Variants in DDX31 observed in about 807,000 individuals in gnomAD.
The protein encoded by DDX31 is ATP-dependent DNA helicase DDX31.
DDX31 carries 70 observed loss-of-function variants against 91.3 expected under a neutral mutation model. The ratio of observed to expected loss-of-function variants is 0.77; its 90% CI spans 0.63 to 0.94. The LOEUF (loss-of-function observed/expected upper bound fraction) is 0.94. DDX31 is among the 40% of genes least tolerant of loss of function. The pLI is 0.00. For synonymous variants in DDX31, 362 were observed against 350.6 expected (o/e 1.03, Z -0.36); for missense variants, 902 against 925.0 (o/e 0.98, Z 0.32).
intron 6 of DDX31, among the ~76,000 whole-genome samples, chr9:132,653,947 G>A (rs919828267): frequency 2.9e-4 from 44 of 151,990 alleles, no homozygotes; most frequent in African/African-American, 1.0e-3. Context: ...CATGAATAGA[G>A]ATTATAATAG....
Position 132,661,093 on chromosome 9 carries a change from C to T in DDX31, c.452+115G>A, listed in dbSNP as rs975300268. On this transcript the variant is annotated intron_variant, in intron 4 of 19. Coordinates refer to ENST00000372159, the MANE Select transcript of DDX31 (RefSeq NM_022779.9). The stretch of plus-strand genomic sequence containing the variant: ...GACGACAACCCTTTATGGTCGATAA[C>T]CTGGCACTGTGTTCCAACGCCAAGA... 7.0e-6 allele frequency: 6 copies of T among 859,160 alleles called. No individual in the cohort carries two copies. In the African/African-American group the frequency reaches 8.5e-5, roughly 12 times the overall value. 53.2% of individuals were successfully genotyped at this position (859,160 alleles called of 1,614,324 possible).
chr9:132,615,230 T>C (rs1831561091), intron 18 of DDX31, among the ~76,000 whole-genome samples: 1 of 152,210 alleles, frequency 6.6e-6, no homozygotes, highest in South Asian at 2.1e-4. Context: ...ATCGTCCTTT[T>C]TCATTCCTGG....
chr9:132,602,535 T>C (rs2119210683), intron 19 of DDX31, among the ~76,000 whole-genome samples: 1 of 152,326 alleles, frequency 6.6e-6, no homozygotes, highest in East Asian at 1.9e-4. Context: ...TCAGGAATGT[T>C]GGCTTCAAAA....
chr9:132,654,596 G>C (rs1834431150), intron 6 of DDX31, among the ~76,000 whole-genome samples: 1 of 152,164 alleles, frequency 6.6e-6, no homozygotes, highest in Admixed American at 6.5e-5. Context: ...CTGGGCGACA[G>C]AGCGAGACTT....
At position 132,594,310 on chromosome 9, in the gene DDX31, T is replaced by C. The variant is rs1392858344; in HGVS notation, c.*556A>G. 6 of 152,644 alleles carry C rather than the reference T, an allele frequency of 3.9e-5. No individual in the cohort carries two copies. Among genetic ancestry groups the C allele is most frequent in the Non-Finnish European group, 7.3e-5 (5 of 68,336 alleles). 9.5% of individuals were successfully genotyped at this position (152,644 alleles called of 1,614,324 possible). A position where few individuals can be genotyped will look rare whatever the true frequency, so the allele number is the denominator to read the frequency against. Reference sequence around the variant, plus strand: ...GAGCCTGAGAACACATTCGTATTTTTTGACCCAGACCAAAAACTTTTGGTC... The same window carrying C: ...GAGCCTGAGAACACATTCGTATTTTCTGACCCAGACCAAAAACTTTTGGTC... On this transcript the variant is annotated 3_prime_UTR_variant, in exon 20 of 20. Coordinates refer to ENST00000372159, the MANE Select transcript of DDX31 (RefSeq NM_022779.9).
intron 13 of DDX31, 55 bp from the exon 14 acceptor site, chr9:132,642,118 G>A: frequency 6.5e-7 from 1 of 1,526,730 alleles, no homozygotes; most frequent in Admixed American, 1.7e-5. Context: ...CTCCAGCAAG[G>A]TAGGCTTACA....
Position 132,625,755 on chromosome 9 carries a change from G to A in DDX31, c.1632-10C>T, listed in dbSNP as rs1237426595. The A allele has an allele frequency of 2.5e-6, 4 of 1,611,228 alleles. No homozygotes were observed. In the South Asian group the frequency reaches 3.3e-5, roughly 13 times the overall value. The stretch of plus-strand genomic sequence containing the variant: ...CTTAATCTCAGAAACGCTGTAAAAG[G>A]AAGGGCACAGCAAGGTAACTTTTTG... On this transcript the variant is annotated splice_polypyrimidine_tract_variant and intron_variant, in intron 16 of 19. Coordinates refer to ENST00000372159, the MANE Select transcript of DDX31 (RefSeq NM_022779.9).
intron 17 of DDX31, among the ~76,000 whole-genome samples, chr9:132,624,694 G>A (rs1012921290): frequency 3.9e-5 from 6 of 152,146 alleles, no homozygotes; most frequent in East Asian, 1.9e-4. Flanking sequence ...AAATGGGACC[G>A]TGCACATAAA....
At chr9:132,605,666 G>T (rs538002702) in intron 19 of DDX31, among the ~76,000 whole-genome samples, 1 of 152,206 alleles carries the variant, frequency 6.6e-6, no homozygotes, top group Non-Finnish European at 1.5e-5. Flanking sequence ...GAGACGTGAG[G>T]GTGTCTGCCT....
intron 12 of DDX31, among the ~76,000 whole-genome samples, chr9:132,646,556 G>C (rs958970240): frequency 6.6e-6 from 1 of 152,130 alleles, no homozygotes; most frequent in African/African-American, 2.4e-5. Context: ...AGCTGTTCCC[G>C]CCACCTGTGA....
chr9:132,663,602 G>C, intron 1 of DDX31: 1 of 840,594 alleles, frequency 1.2e-6, no homozygotes, highest in South Asian at 5.4e-5. Context: ...TGAGTAGCCA[G>C]TGCTTGTTAT....
At chr9:132,662,847 C>T (rs914482959) in intron 1 of DDX31, 152 bp from the exon 2 acceptor site, 17 of 1,150,230 alleles carry the variant, frequency 1.5e-5, no homozygotes, top group Non-Finnish European at 1.8e-5. Flanking sequence ...GGTTTGCAAT[C>T]AGACTCTTTG....
At chr9:132,666,813 T>C (rs748529924) in intron 1 of DDX31, among the ~76,000 whole-genome samples, 1 of 152,086 alleles carries the variant, frequency 6.6e-6, no homozygotes, top group Non-Finnish European at 1.5e-5. Context: ...TTCACAGCAT[T>C]GTCCTGCCTC....
chr9:132,610,423 G>A (rs1043535047), intron 19 of DDX31, among the ~76,000 whole-genome samples: 2 of 152,190 alleles, frequency 1.3e-5, no homozygotes, highest in African/African-American at 4.8e-5. Flanking sequence ...CTATGTGAGA[G>A]TTATTAGTAT....
At chr9:132,653,655 T>C (rs975524891) in intron 6 of DDX31, among the ~76,000 whole-genome samples, 3 of 151,020 alleles carry the variant, frequency 2.0e-5, no homozygotes, top group Admixed American at 2.0e-4. Flanking sequence ...CTGAGGGGCA[T>C]AAAGTAAATT....
At chr9:132,663,147 G>T (rs1835089345) in intron 1 of DDX31, 1 of 1,283,152 alleles carries the variant, frequency 7.8e-7, no homozygotes, top group Admixed American at 2.3e-5. Context: ...AAGCACACTG[G>T]AGACCGCACA....
chr9:132,603,914 C>A (rs955113036), intron 19 of DDX31, among the ~76,000 whole-genome samples: 1 of 152,058 alleles, frequency 6.6e-6, no homozygotes, highest in East Asian at 1.9e-4. Context: ...GAGGAGGGTG[C>A]GTTTGTTCCA....
intron 19 of DDX31, among the ~76,000 whole-genome samples, chr9:132,609,368 G>A (rs1831198569): frequency 6.6e-6 from 1 of 152,122 alleles, no homozygotes; most frequent in South Asian, 2.1e-4. Context: ...TGCTAGCGAG[G>A]GTCAGCTGGG....
chr9:132,595,098 T>C lies in DDX31; in HGVS notation c.2009A>G (p.Lys670Arg), dbSNP rs773943948. ...KAHVKRPDLH[K>R]KTQSKHSLAE... is the part of the protein sequence containing the mutation. ...GAGGCTGTGTTTACTCTGGGTCTTC[T>C]TATGAAGGTCAGGCCTGAAGAACAG... The change falls in exon 20 of 20, where the codon AAG becomes AGG. Residue 670 changes from lysine to arginine, a missense_variant. Physicochemically the swap from Lys to Arg is conservative, Grantham distance 26 (BLOSUM62 2). Coordinates refer to ENST00000372159, the MANE Select transcript of DDX31 (RefSeq NM_022779.9). This position sits in a 1 kb window ranked among gnomAD's most constrained non-coding sequence, Gnocchi z 4.6. 20 of 1,614,068 alleles carry C rather than the reference T, an allele frequency of 1.2e-5. No individual in the cohort carries two copies. Among genetic ancestry groups the C allele is most frequent in the Middle Eastern group, 1.6e-4 (1 of 6,062 alleles).
Sources: allele counts gnomAD v4.1 joint callset (sites outside exome capture counted in the v4.1 genomes callset), GRCh38; gene constraint gnomAD v4.1.1; non-coding constraint Gnocchi (gnomAD v3.1); transcripts MANE v1.5; gene names NCBI Gene and HGNC (gene_info 2026-07-23, HGNC 2026-07-21).